Variants in EBF2 observed in about 807,000 individuals in gnomAD.
The protein encoded by EBF2 is transcription factor COE2.
EBF2 carries 21 observed loss-of-function variants against 72.8 expected under a neutral mutation model. That is an observed-to-expected ratio of 0.29 (90% CI 0.20 to 0.42). The LOEUF (loss-of-function observed/expected upper bound fraction) is 0.42, where lower values mean the gene tolerates loss of function less well. Ranked by LOEUF, EBF2 falls within the 10% of genes least tolerant of loss-of-function variation. The pLI, the probability that EBF2 is intolerant of heterozygous loss-of-function variation, is 1.00. For synonymous variants in EBF2, 299 were observed against 274.2 expected (o/e 1.09, Z -0.89); for missense variants, 637 against 731.2 (o/e 0.87, Z 1.49).
intron 6 of EBF2, among the ~76,000 whole-genome samples, chr8:25,929,769 C>T (rs963541366): frequency 1.3e-5 from 2 of 152,138 alleles, no homozygotes; most frequent in African/African-American, 2.4e-5. Flanking sequence ...GTTCTTCACA[C>T]ACCTACTTCC....
At chr8:25,957,949 T>C (rs1385091909) in intron 6 of EBF2, among the ~76,000 whole-genome samples, 1 of 152,182 alleles carries the variant, frequency 6.6e-6, no homozygotes, top group Admixed American at 6.5e-5. Context: ...AACTGAGCCC[T>C]GCCAGATGGG....
chr8:25,918,814 T>C (rs1803265590), intron 6 of EBF2, among the ~76,000 whole-genome samples: 1 of 152,222 alleles, frequency 6.6e-6, no homozygotes, highest in African/African-American at 2.4e-5. Context: ...TCTCCTTGTA[T>C]ATAACGTTTT....
Position 25,955,150 on chromosome 8 carries a change from G to A in EBF2, c.552-46595C>T, listed in dbSNP as rs1413678920. Among the ~76,000 whole-genome samples the A allele has an allele frequency of 3.9e-5, 6 of 152,346 alleles. No homozygotes were observed. The South Asian group carries it at 6.2e-4, about 16-fold the overall frequency. ...AGCGACAAGAGCATACCACTCTAGC[G>A]CCACACTCCCCGGAGCCTGGCTGGG... On this transcript the variant is annotated intron_variant, in intron 6 of 15. Coordinates refer to ENST00000520164, the MANE Select transcript of EBF2 (RefSeq NM_022659.4).
chr8:25,987,405 G>A (rs1804478454), intron 6 of EBF2, among the ~76,000 whole-genome samples: 1 of 152,098 alleles, frequency 6.6e-6, no homozygotes, highest in Non-Finnish European at 1.5e-5. Context: ...AAGCAGTATG[G>A]GAGCTGACCC....
At chr8:25,934,441 C>T (rs927983167) in intron 6 of EBF2, among the ~76,000 whole-genome samples, 11 of 152,310 alleles carry the variant, frequency 7.2e-5, no homozygotes, top group Non-Finnish European at 1.2e-4. Flanking sequence ...TTCTGAAACA[C>T]TGCAGGAAGA....
chr8:25,898,444 G>T (rs533133968), intron 7 of EBF2, among the ~76,000 whole-genome samples: 97 of 145,116 alleles, frequency 6.7e-4, no homozygotes, highest in African/African-American at 2.5e-3. Flanking sequence ...GAAATCCAGT[G>T]GCAATTAAAA....
intron 10 of EBF2, among the ~76,000 whole-genome samples, chr8:25,881,898 A>C (rs1585273970): frequency 6.6e-6 from 1 of 152,122 alleles, no homozygotes; most frequent in Admixed American, 6.5e-5. Flanking sequence ...TTGGAGGAGA[A>C]CCTGGGCTGC....
At chr8:25,905,027 G>A (rs1020848279) in intron 7 of EBF2, among the ~76,000 whole-genome samples, 4 of 152,092 alleles carry the variant, frequency 2.6e-5, no homozygotes, top group Admixed American at 6.5e-5. Flanking sequence ...ACTAAAAAAT[G>A]GGCAAAGGAT....
intron 6 of EBF2, among the ~76,000 whole-genome samples, chr8:25,912,649 T>C (rs1207989723): frequency 6.6e-6 from 1 of 152,202 alleles, no homozygotes; most frequent in Non-Finnish European, 1.5e-5. Flanking sequence ...TGAATTCATT[T>C]ATTTACTCAT....
intron 6 of EBF2, among the ~76,000 whole-genome samples, chr8:25,993,392 C>G (rs962445606): frequency 6.6e-6 from 1 of 152,200 alleles, no homozygotes; most frequent in African/African-American, 2.4e-5. Context: ...TCCCCTGCCT[C>G]TTACTACAAG....
intron 6 of EBF2, 79 bp from the exon 7 acceptor site, chr8:25,908,634 G>T: frequency 2.1e-6 from 2 of 945,044 alleles, no homozygotes; most frequent in South Asian, 1.5e-5. Flanking sequence ...CATTAGATTT[G>T]ATTTGACAGC....
rs534782872 is a variant in EBF2, at chr8:25,861,292, G to A, written c.1164+17C>T. On this transcript the variant is annotated intron_variant, in intron 12 of 15. Transcript: ENST00000520164. The stretch of plus-strand genomic sequence containing the variant: ...AAAGTGCAAAACTCAATAAAGGATA[G>A]GATGTCAGTATCTCACCTGGTTATT... 6.2e-6 allele frequency: 10 copies of A among 1,614,084 alleles called. No individual in the cohort carries two copies. Among genetic ancestry groups the A allele is most frequent in the South Asian group, 1.1e-5 (1 of 91,080 alleles).
At chr8:26,026,860 T>C (rs992004267) in intron 6 of EBF2, among the ~76,000 whole-genome samples, 1 of 152,256 alleles carries the variant, frequency 6.6e-6, no homozygotes, top group Non-Finnish European at 1.5e-5. Context: ...TATGTGACCT[T>C]GGCTGAGTTA....
intron 6 of EBF2, among the ~76,000 whole-genome samples, chr8:25,965,370 T>A (rs1237534925): frequency 6.6e-6 from 1 of 152,224 alleles, no homozygotes; most frequent in Non-Finnish European, 1.5e-5. Flanking sequence ...CTGCTTTGCT[T>A]ATATGCAGAT....
At chr8:25,872,911 G>A (rs890071068) in intron 10 of EBF2, among the ~76,000 whole-genome samples, 1 of 152,184 alleles carries the variant, frequency 6.6e-6, no homozygotes, top group African/African-American at 2.4e-5. Flanking sequence ...ACACAGACGA[G>A]CTCCTGCCCT....
chr8:25,948,963 A>G (rs1011579712), intron 6 of EBF2, among the ~76,000 whole-genome samples: 2 of 152,170 alleles, frequency 1.3e-5, no homozygotes, highest in African/African-American at 4.8e-5. Flanking sequence ...CACGCCAAAA[A>G]TCATGGGCTG....
chr8:25,872,679 A>AAACAAC lies in EBF2; in HGVS notation c.1010-9888_1010-9883dup, dbSNP rs113792737. Reference sequence around the variant, plus strand: ...GGTTTTCTTTGCATTGTAAGAAAGCAAACAACAACAACAACAACAACAACA... The same window carrying AAACAAC: ...GGTTTTCTTTGCATTGTAAGAAAGCAAACAACAACAACAACAACAACAACAACAACA... On this transcript the variant is annotated intron_variant, in intron 10 of 15. Coordinates refer to ENST00000520164, the MANE Select transcript of EBF2 (RefSeq NM_022659.4). Among the ~76,000 whole-genome samples, 1,210 of 151,374 alleles carry AAACAAC rather than the reference A, an allele frequency of 8.0e-3. 16 individuals carry two copies. Among genetic ancestry groups the AAACAAC allele is most frequent in the African/African-American group, 0.026 (1,082 of 41,190 alleles).
chr8:25,848,769 A>G (rs986873648), intron 15 of EBF2, among the ~76,000 whole-genome samples: 3 of 152,262 alleles, frequency 2.0e-5, no homozygotes, highest in Admixed American at 6.5e-5. Context: ...CTCCCGTCCA[A>G]TGCAGAGGAA....
chr8:25,915,358 G>T (rs1803195852), intron 6 of EBF2, among the ~76,000 whole-genome samples: 1 of 152,026 alleles, frequency 6.6e-6, no homozygotes, highest in South Asian at 2.1e-4. Flanking sequence ...TCCACATGGG[G>T]GATCCTGTCA....
Sources: gnomAD v4.1 joint callset for allele counts (sites outside exome capture counted in the v4.1 genomes callset) on GRCh38, gnomAD v4.1.1 for gene constraint, MANE v1.5 for transcripts, NCBI Gene and HGNC (gene_info 2026-07-23, HGNC 2026-07-21) for gene names.